PTPRD: variants seen among roughly 807,000 people sequenced by gnomAD.
PTPRD encodes the protein receptor-type tyrosine-protein phosphatase delta.
Under a neutral mutation model 214.5 loss-of-function variants are expected in PTPRD, and 34 were observed. The observed-to-expected ratio is 0.16, with a 90% confidence interval of 0.12 to 0.21. PTPRD has a LOEUF of 0.21. PTPRD is among the 10% of genes least tolerant of loss of function. PTPRD has a pLI of 1.00. For synonymous variants in PTPRD, 1,128 were observed against 845.7 expected (o/e 1.33, Z -5.79); for missense variants, 2,545 against 2,398.7 (o/e 1.06, Z -1.27).
At position 8,640,576 on chromosome 9, in the gene PTPRD, CA is replaced by C. The variant is rs1200304533; in HGVS notation, c.65-3733del. ...AACAAAAAAACAAAAAAAAAAAAAA[CA>C]AAAAAACCTAAAAGGGCTCTTAAAT... On this transcript the variant is annotated intron_variant, in intron 12 of 45. Coordinates refer to ENST00000381196, the MANE Select transcript of PTPRD (RefSeq NM_002839.4). Among the ~76,000 whole-genome samples, 4 of 117,896 alleles carry C rather than the reference CA, an allele frequency of 3.4e-5. No homozygotes were observed. In the South Asian group the frequency reaches 1.1e-3, roughly 32 times the overall value. 77.3% of individuals were successfully genotyped at this position (117,896 alleles called of 152,430 possible). A position where few individuals can be genotyped will look rare whatever the true frequency, so the allele number is the denominator to read the frequency against.
At chr9:8,859,079 G>A (rs2098036379) in intron 11 of PTPRD, among the ~76,000 whole-genome samples, 1 of 152,242 alleles carries the variant, frequency 6.6e-6, no homozygotes, top group Admixed American at 6.5e-5. Flanking sequence ...GTTTGTGTCC[G>A]CCCCAGTTCA....
At chr9:8,940,794 T>G (rs924024541) in intron 11 of PTPRD, among the ~76,000 whole-genome samples, 1 of 149,788 alleles carries the variant, frequency 6.7e-6, no homozygotes, top group African/African-American at 2.5e-5. Flanking sequence ...GTAGATCCTA[T>G]TCTCTTCTCA....
chr9:10,057,079 C>T (rs1008920199), intron 3 of PTPRD, among the ~76,000 whole-genome samples: 10 of 152,194 alleles, frequency 6.6e-5, no homozygotes, highest in Admixed American at 3.3e-4. Flanking sequence ...GGTTCCTAGT[C>T]CCATCTTATT....
chr9:9,526,084 T>TA lies in PTPRD; in HGVS notation c.-237+48647dup, dbSNP rs956381381. ...TTTAGATTTGCCTGGTTTTGAACCTTAAAAAAAAATACATTATACATATTT... is the reference window on the plus strand; with the variant it reads ...TTTAGATTTGCCTGGTTTTGAACCTTAAAAAAAAAATACATTATACATATTT... On this transcript the variant is annotated intron_variant, in intron 8 of 45. Transcript: ENST00000381196. Among the ~76,000 whole-genome samples the TA allele has an allele frequency of 7.3e-5, 11 of 151,442 alleles. No individual in the cohort carries two copies. The South Asian group carries it at 1.3e-3, about 17-fold the overall frequency.
At chr9:10,199,649 A>G (rs1264716226) in intron 3 of PTPRD, among the ~76,000 whole-genome samples, 1 of 151,998 alleles carries the variant, frequency 6.6e-6, no homozygotes, top group African/African-American at 2.4e-5. Flanking sequence ...TGGATAATAT[A>G]ATATTTATTA....
chr9:8,765,539 T>C (rs1008160251), intron 11 of PTPRD, among the ~76,000 whole-genome samples: 1 of 152,110 alleles, frequency 6.6e-6, no homozygotes, highest in Non-Finnish European at 1.5e-5. Context: ...AAAAGCCAAG[T>C]AGCAGAGCCT....
At chr9:9,719,866 T>A (rs1321644875) in intron 7 of PTPRD, among the ~76,000 whole-genome samples, 1 of 152,170 alleles carries the variant, frequency 6.6e-6, no homozygotes, top group Non-Finnish European at 1.5e-5. Context: ...CCTGGTCCAG[T>A]CTCAGTCTCT....
At position 9,655,137 on chromosome 9, in the gene PTPRD, A is replaced by G. The variant is rs138863786; in HGVS notation, c.-287+79396T>C. Among the ~76,000 whole-genome samples, 54 of 152,314 alleles carry G rather than the reference A, an allele frequency of 3.5e-4. No homozygotes were observed. In the East Asian group the frequency reaches 8.9e-3, roughly 25 times the overall value. On this transcript the variant is annotated intron_variant, in intron 7 of 45. Transcript: ENST00000381196. The stretch of plus-strand genomic sequence containing the variant: ...TTGGTATCATAACACACACCTTGTT[A>G]TAAAAACTATATGATTAAGAGAATA...
At chr9:9,895,829 C>T (rs2074806490) in intron 5 of PTPRD, among the ~76,000 whole-genome samples, 3 of 152,064 alleles carry the variant, frequency 2.0e-5, no homozygotes, top group African/African-American at 4.8e-5. Context: ...TTGATTTATA[C>T]ACTTGGTTTT....
At chr9:10,402,157 CT>C (rs2098279960) in intron 2 of PTPRD, among the ~76,000 whole-genome samples, 1 of 151,642 alleles carries the variant, frequency 6.6e-6, no homozygotes, top group African/African-American at 2.4e-5. Flanking sequence ...AGGCCAGCCA[CT>C]GTTTCACAGA....
chr9:9,551,252 A>G (rs1438688855), intron 8 of PTPRD, among the ~76,000 whole-genome samples: 1 of 152,010 alleles, frequency 6.6e-6, no homozygotes, highest in East Asian at 1.9e-4. Context: ...GGATCAGTAA[A>G]TGCTTAACTG....
intron 7 of PTPRD, among the ~76,000 whole-genome samples, chr9:9,586,466 A>T (rs2091981636): frequency 6.6e-6 from 1 of 152,020 alleles, no homozygotes; most frequent in African/African-American, 2.4e-5. Flanking sequence ...AGTAATAAAA[A>T]TATTCTCATT....
At chr9:8,619,930 A>G (rs1185767120) in intron 14 of PTPRD, among the ~76,000 whole-genome samples, 1 of 152,036 alleles carries the variant, frequency 6.6e-6, no homozygotes, top group African/African-American at 2.4e-5. Flanking sequence ...AAAATCTGGT[A>G]ATCACCACAT....
At chr9:9,977,714 G>T (rs551351304) in intron 4 of PTPRD, among the ~76,000 whole-genome samples, 1 of 152,200 alleles carries the variant, frequency 6.6e-6, no homozygotes, top group African/African-American at 2.4e-5. Flanking sequence ...AGCAGGAATA[G>T]AATTCATTGT....
rs2154434904 is a variant in PTPRD at position 8,733,850 on chromosome 9, G to C, written c.-7C>G. ...GCCTGGCTACGTGCACCATCCTGCA[G>C]CTTGGCAGCAGCGTGCGCGAGCAGC... On this transcript the variant is annotated 5_prime_UTR_variant, in exon 12 of 46. Transcript: ENST00000381196. 1 of 1,550,832 alleles carries C rather than the reference G, an allele frequency of 6.4e-7. No individual in the cohort carries two copies. Among genetic ancestry groups the C allele is most frequent in the Non-Finnish European group, 8.7e-7 (1 of 1,147,032 alleles).
chr9:10,498,250 T>C (rs975708987), intron 2 of PTPRD, among the ~76,000 whole-genome samples: 3 of 151,936 alleles, frequency 2.0e-5, no homozygotes, highest in Non-Finnish European at 4.4e-5. Flanking sequence ...TACATTAAAA[T>C]GAAGTTATGA....
intron 2 of PTPRD, among the ~76,000 whole-genome samples, chr9:10,503,042 A>G (rs1016537946): frequency 3.3e-5 from 5 of 151,842 alleles, no homozygotes; most frequent in African/African-American, 1.2e-4. Flanking sequence ...GTTTTCCTTT[A>G]GAATGTCAAT....
At chr9:10,399,481 G>T (rs1372410886) in intron 2 of PTPRD, among the ~76,000 whole-genome samples, 2 of 151,936 alleles carry the variant, frequency 1.3e-5, no homozygotes, top group Non-Finnish European at 2.9e-5. Context: ...CCTAAAATGT[G>T]TTCAGGCAGT....
At chr9:8,743,031 G>C (rs948979276) in intron 11 of PTPRD, among the ~76,000 whole-genome samples, 4 of 144,154 alleles carry the variant, frequency 2.8e-5, no homozygotes, top group Non-Finnish European at 4.5e-5. Flanking sequence ...ATCCCATTCA[G>C]AATGTCAGCA....
Sources: allele counts gnomAD v4.1 joint callset (sites outside exome capture counted in the v4.1 genomes callset), GRCh38; gene constraint gnomAD v4.1.1; transcripts MANE v1.5; gene names NCBI Gene and HGNC (gene_info 2026-07-23, HGNC 2026-07-21).